LYRM4: variants seen among roughly 807,000 people sequenced by gnomAD.
LYRM4 encodes the protein LYR motif containing 4.
LYRM4 carries 9 observed loss-of-function variants against 11.7 expected under a neutral mutation model. That is an observed-to-expected ratio of 0.77 (90% CI 0.46 to 1.34). LYRM4 has a LOEUF of 1.34. Among genes scored for constraint, LYRM4 ranks in the 40% most tolerant of loss-of-function variants. The pLI, the probability that LYRM4 is intolerant of heterozygous loss-of-function variation, is 0.00. For missense variants in LYRM4, 133 were observed against 112.5 expected, an observed-to-expected ratio of 1.18 and a Z score of -0.82; for synonymous variants, 42 against 40.4, an observed-to-expected ratio of 1.04 and a Z score of -0.15.
the LYRM4 span, among the ~76,000 whole-genome samples, chr6:5,057,713 T>TAA: frequency 7.8e-6 from 1 of 128,610 alleles, no homozygotes. Flanking sequence ...AGACTCCATC[T>TAA]AAAAAAAAAA....
chr6:5,110,943 C>T (rs1337773966), intron 2 of LYRM4, among the ~76,000 whole-genome samples: 1 of 152,170 alleles, frequency 6.6e-6, no homozygotes, highest in Non-Finnish European at 1.5e-5. Flanking sequence ...ATCTTGAGGG[C>T]TGTGAGGAGC....
the LYRM4 span, among the ~76,000 whole-genome samples, chr6:5,060,448 AG>A: frequency 3.3e-5 from 5 of 151,460 alleles, no homozygotes; most frequent in African/African-American, 7.3e-5. Flanking sequence ...TGCCCAGTGA[AG>A]GTTTTTTTTA....
chr6:5,189,967 G>T (rs377755991), intron 2 of LYRM4, among the ~76,000 whole-genome samples: 1 of 152,176 alleles, frequency 6.6e-6, no homozygotes. Context: ...AGAACAAAAA[G>T]AATTTATCTA....
chr6:5,062,995 TG>T, the LYRM4 span, among the ~76,000 whole-genome samples: 4 of 151,622 alleles, frequency 2.6e-5, no homozygotes, highest in Admixed American at 6.6e-5. Context: ...TGGTGGAGGG[TG>T]GTGTGGGCAT....
intron 1 of LYRM4, among the ~76,000 whole-genome samples, chr6:5,230,524 A>G (rs1763175893): frequency 6.6e-6 from 1 of 152,198 alleles, no homozygotes; most frequent in Non-Finnish European, 1.5e-5. Context: ...TACAGAACAC[A>G]GTTTTCTAAA....
At chr6:5,041,302 T>C in the LYRM4 span, among the ~76,000 whole-genome samples, 1 of 152,244 alleles carries the variant, frequency 6.6e-6, no homozygotes, top group Non-Finnish European at 1.5e-5. Flanking sequence ...AATTCTAGTT[T>C]ACCTCAAAAT....
intron 2 of LYRM4, among the ~76,000 whole-genome samples, chr6:5,201,228 A>G (rs1462925316): frequency 6.6e-6 from 1 of 152,010 alleles, no homozygotes; most frequent in Non-Finnish European, 1.5e-5. Context: ...TCAAAAGAAA[A>G]ATTCCTTTAG....
intron 1 of LYRM4, among the ~76,000 whole-genome samples, chr6:5,229,080 T>C (rs537431486): frequency 2.1e-4 from 27 of 127,108 alleles, no homozygotes; most frequent in Non-Finnish European, 2.7e-4. Flanking sequence ...CATGAGAAAA[T>C]AGGGAACAAG....
the LYRM4 span, among the ~76,000 whole-genome samples, chr6:5,053,652 AAAG>A: frequency 6.6e-6 from 1 of 151,984 alleles, no homozygotes; most frequent in African/African-American, 2.4e-5. Flanking sequence ...AGAAAGAAAG[AAAG>A]AAAGAAAAGA....
At position 5,204,830 on chromosome 6, in the gene LYRM4, G is replaced by A. The variant is rs1761597237; in HGVS notation, c.207+11788C>T. ...ACTTTTTGCTTTACACTGATCAGCAGCTTTGCTGTTTCCACAGGGTGCTAG... is the reference window on the plus strand; with the variant it reads ...ACTTTTTGCTTTACACTGATCAGCAACTTTGCTGTTTCCACAGGGTGCTAG... On this transcript the variant is annotated intron_variant, in intron 2 of 2. Transcript: ENST00000330636. Among the ~76,000 whole-genome samples the A allele has an allele frequency of 1.3e-5, 2 of 152,206 alleles. 1 individual carries two copies. Among genetic ancestry groups the A allele is most frequent in the South Asian group, 4.1e-4 (2 of 4,836 alleles).
chr6:5,210,734 CT>C (rs1229989613), intron 2 of LYRM4, among the ~76,000 whole-genome samples: 3 of 152,150 alleles, frequency 2.0e-5, no homozygotes, highest in African/African-American at 7.2e-5. Context: ...AATTTGACTA[CT>C]TTAGACACCT....
At chr6:5,130,414 A>G (rs1763899511) in intron 2 of LYRM4, among the ~76,000 whole-genome samples, 1 of 152,224 alleles carries the variant, frequency 6.6e-6, no homozygotes, top group South Asian at 2.1e-4. Context: ...GGGACCTGGG[A>G]ACAGGGAGAC....
intron 2 of LYRM4, among the ~76,000 whole-genome samples, chr6:5,118,748 T>C (rs1248321819): frequency 1.3e-5 from 2 of 152,234 alleles, no homozygotes; most frequent in Non-Finnish European, 2.9e-5. Flanking sequence ...CATGAATTTA[T>C]GTCTGTATTT....
At chr6:5,162,323 C>T (rs1758807333) in intron 2 of LYRM4, among the ~76,000 whole-genome samples, 1 of 152,146 alleles carries the variant, frequency 6.6e-6, no homozygotes, top group Non-Finnish European at 1.5e-5. Context: ...TTAAAAATCC[C>T]ACTAAGTCTC....
chr6:5,066,474 T>G, the LYRM4 span: 1 of 763,838 alleles, frequency 1.3e-6, no homozygotes, highest in Non-Finnish European at 2.4e-6. Context: ...AAAGAGCCCT[T>G]GAGAAGCCAT....
the LYRM4 span, among the ~76,000 whole-genome samples, chr6:5,040,316 A>AATAGATAGATAGATAGATAG: frequency 0.012 from 1,453 of 125,002 alleles, 11 homozygotes; most frequent in African/African-American, 0.015. Context: ...TATCTCTAAC[A>AATAGATAGATAGATAGATAG]ATAGATAGAT....
chr6:5,158,137 G>C (rs913088421), intron 2 of LYRM4, among the ~76,000 whole-genome samples: 2 of 152,234 alleles, frequency 1.3e-5, no homozygotes, highest in Non-Finnish European at 2.9e-5. Context: ...GTCTGTGCGT[G>C]TGTGTACATT....
At chr6:5,040,191 C>T in the LYRM4 span, among the ~76,000 whole-genome samples, 4 of 151,300 alleles carry the variant, frequency 2.6e-5, no homozygotes, top group African/African-American at 7.3e-5. Flanking sequence ...TGGTGGCGCA[C>T]GCCTGTAGTC....
At chr6:5,127,715 C>CT (rs1346647469) in intron 2 of LYRM4, among the ~76,000 whole-genome samples, 1 of 152,076 alleles carries the variant, frequency 6.6e-6, no homozygotes, top group African/African-American at 2.4e-5. Context: ...TTTGCCTGTT[C>CT]TTTTTTGCTT....
Sources: allele counts gnomAD v4.1 joint callset (sites outside exome capture counted in the v4.1 genomes callset), GRCh38; gene constraint gnomAD v4.1.1; transcripts MANE v1.5; gene names NCBI Gene and HGNC (gene_info 2026-07-23, HGNC 2026-07-21).